Variants in KIAA1210 observed in about 807,000 individuals in gnomAD.
KIAA1210 encodes acrosomal protein KIAA1210.
KIAA1210 carries 48 observed loss-of-function variants against 78.9 expected under a neutral mutation model. The ratio of observed to expected loss-of-function variants is 0.61; its 90% CI spans 0.48 to 0.77. The LOEUF (loss-of-function observed/expected upper bound fraction) is 0.77, where lower values mean the gene tolerates loss of function less well. Ranked by LOEUF, KIAA1210 falls within the 30% of genes least tolerant of loss-of-function variation. The pLI is 0.00. For missense variants in KIAA1210, 1,108 were observed against 1,100.0 expected, an observed-to-expected ratio of 1.01 and a Z score of -0.10; for synonymous variants, 406 against 404.5, an observed-to-expected ratio of 1.00 and a Z score of -0.04.
chrX:119,087,316 T>A lies in KIAA1210; in HGVS notation c.3386A>T (p.Glu1129Val). The A allele has an allele frequency of 8.3e-7, 1 of 1,211,151 alleles. No individual in the cohort carries two copies. Among genetic ancestry groups the A allele is most frequent in the Non-Finnish European group, 1.1e-6 (1 of 895,270 alleles). ...AACAGGGGAGACTTTTTGCTCATAC[T>A]CAGGTTTCCTCAAGGCCTGGGAAAG... ...RQLSQALRKP[E>V]YEQKVSPVSA... Residue 1129 changes from glutamate (E) to valine (V), a missense_variant, in exon 9 of 12, where the codon GAG (glutamate) becomes GTG (valine). Glu to Val is a moderately radical substitution (Grantham distance 121). Coordinates refer to ENST00000691062, the MANE Select transcript of KIAA1210 (RefSeq NM_001394962.1).
At chrX:119,092,087 T>C (rs780180293) in intron 8 of KIAA1210, among the ~76,000 whole-genome samples, 2 of 112,303 alleles carry the variant, frequency 1.8e-5, no homozygotes, top group Non-Finnish European at 3.8e-5. Context: ...CCTAAAGCTA[T>C]TGAAATAAAA....
intron 1 of KIAA1210, among the ~76,000 whole-genome samples, chrX:119,150,116 T>C (rs1929257131): frequency 8.9e-6 from 1 of 112,223 alleles, no homozygotes; most frequent in Non-Finnish European, 1.9e-5. Context: ...TGCTTTACTT[T>C]GAGATGATGT....
rs201254782 is a variant in KIAA1210 at position 119,116,524 on chromosome X, C to A, written c.202G>T (p.Val68Phe). ...SNINISSLQPVRENQPTKARA... is the reference protein window; with the variant it reads ...SNINISSLQPFRENQPTKARA... The stretch of plus-strand genomic sequence containing the variant: ...GCCTTAGTTGGTTGATTTTCCCGAA[C>A]GGGCTGCAGAGAAGAGATGTTAATG... Residue 68 changes from valine (V) to phenylalanine (F), a missense_variant, in exon 3 of 12, where the codon GTT (valine) becomes TTT (phenylalanine). Transcript: ENST00000691062. 5.8e-6 allele frequency: 7 copies of A among 1,211,098 alleles called. No homozygotes were observed. The highest frequency in any genetic ancestry group is 7.8e-6 in the Non-Finnish European group (7 of 895,160).
intron 2 of KIAA1210, among the ~76,000 whole-genome samples, chrX:119,137,246 A>G (rs1455857104): frequency 8.9e-6 from 1 of 112,484 alleles, no homozygotes; most frequent in Non-Finnish European, 1.9e-5. Flanking sequence ...GGAAACAGAA[A>G]GGCTAAGTAA....
intron 2 of KIAA1210, among the ~76,000 whole-genome samples, chrX:119,136,501 C>T (rs2147197249): frequency 9.0e-6 from 1 of 111,204 alleles, no homozygotes; most frequent in East Asian, 2.8e-4. Flanking sequence ...ATGCTGATGT[C>T]TTTGTCCCCA....
In KIAA1210 at chrX:119,141,674, C is replaced by T. The variant is rs893562489; in HGVS notation, c.410+5799G>A. Among the ~76,000 whole-genome samples the T allele has an allele frequency of 4.0e-4, 45 of 112,297 alleles. No homozygotes were observed. The Admixed American group carries it at 4.2e-3, about 11-fold the overall frequency. ...TAATTTTTTCCCCTGGGGCCTTGGC[C>T]TCATTAGATGAAACTCTCCCTCTTC... On this transcript the variant is annotated intron_variant, in intron 2 of 13. Coordinates refer to the KIAA1210 transcript ENST00000402510.
rs1276234553 is a variant in KIAA1210, at chrX:119,116,690, C to T, written c.62-26G>A. The stretch of plus-strand genomic sequence containing the variant: ...CTGGAAGTGAAAAATGAAAATGAGG[C>T]AGAGTGTGATGGTAGAAGGGAAGAC... On this transcript the variant is annotated intron_variant, in intron 2 of 11. Coordinates refer to ENST00000691062, the MANE Select transcript of KIAA1210 (RefSeq NM_001394962.1). 3 of 1,167,594 alleles carry T rather than the reference C, an allele frequency of 2.6e-6. No homozygotes were observed. The Admixed American group carries it at 7.1e-5, about 28-fold the overall frequency.
At chrX:119,106,252 C>A (rs972113575) in intron 5 of KIAA1210, among the ~76,000 whole-genome samples, 1 of 112,310 alleles carries the variant, frequency 8.9e-6, no homozygotes, top group Admixed American at 9.4e-5. Context: ...TAAGAGCTTA[C>A]AATGTGCTAA....
At chrX:119,085,662 A>G in intron 9 of KIAA1210, 116 bp from the exon 10 acceptor site, 1 of 683,871 alleles carries the variant, frequency 1.5e-6, no homozygotes, top group Non-Finnish European at 2.1e-6. Flanking sequence ...GCCAAAGGAA[A>G]ATAAACAGAT....
chrX:119,109,610 C>T (rs1372569985), intron 3 of KIAA1210, among the ~76,000 whole-genome samples: 2 of 111,728 alleles, frequency 1.8e-5, no homozygotes, highest in African/African-American at 6.5e-5. Flanking sequence ...ATACATTTTG[C>T]CCATTTAAAG....
chrX:119,118,397 C>T (rs1928344211), intron 2 of KIAA1210, among the ~76,000 whole-genome samples: 1 of 112,097 alleles, frequency 8.9e-6, no homozygotes, highest in South Asian at 3.8e-4. Context: ...GTAGTCCAGT[C>T]AATCTGGAAA....
chrX:119,093,531 G>T, intron 8 of KIAA1210, 136 bp downstream of exon 8: 1 of 369,544 alleles, frequency 2.7e-6, no homozygotes, highest in Non-Finnish European at 4.6e-6. Context: ...AACATTTTCT[G>T]CATATAAAAT....
chrX:119,129,590 A>C (rs1603271626), upstream of KIAA1210, among the ~76,000 whole-genome samples: 6 of 111,342 alleles, frequency 5.4e-5, no homozygotes, highest in South Asian at 1.2e-3. Flanking sequence ...TTGTCCTAGC[A>C]GAAGAACCCC....
In KIAA1210 at chrX:119,124,439, A is replaced by G. The variant is rs763716313; in HGVS notation, c.-10-787T>C. Reference sequence around the variant, plus strand: ...TTATAGCTCAATAAAGCTGTTACCAAAAAAAGACAAATGCAAAAAACCTGA... The same window carrying G: ...TTATAGCTCAATAAAGCTGTTACCAGAAAAAGACAAATGCAAAAAACCTGA... On this transcript the variant is annotated intron_variant, in intron 1 of 11. Coordinates refer to ENST00000691062, the MANE Select transcript of KIAA1210 (RefSeq NM_001394962.1). Among the ~76,000 whole-genome samples, 3 of 112,668 alleles carry G rather than the reference A, an allele frequency of 2.7e-5. No homozygotes were observed. The East Asian group carries it at 8.3e-4, about 31-fold the overall frequency.
rs377624084 is a variant in KIAA1210, at chrX:119,096,625, A to C, written c.715T>G (p.Ser239Ala). Residue 239 changes from serine (S) to alanine (A), a missense_variant, in exon 7 of 12, where the codon TCT (serine) becomes GCT (alanine). Around this residue, in one of 5 missense-constraint regions of KIAA1210, gnomAD observed 672 missense variants for 607.1 expected, o/e 1.11. Transcript: ENST00000691062. ...ATGGGCAGCTGGGTGCTACTGGTAG[A>C]GGCAAGTGTGGCAAATGCAGTCAAG... The part of the protein sequence containing the change: ...QSLTAFATLA[S>A]TSSTQLPIGF... The C allele has an allele frequency of 2.8e-5, 34 of 1,208,763 alleles. No individual in the cohort carries two copies. The highest frequency in any genetic ancestry group is 3.6e-5 in the Non-Finnish European group (32 of 894,443).
intron 6 of KIAA1210, among the ~76,000 whole-genome samples, chrX:119,100,870 TCTC>T (rs1177777811): frequency 8.9e-6 from 1 of 112,489 alleles, no homozygotes; most frequent in Non-Finnish European, 1.9e-5. Context: ...TTTCATTTCT[TCTC>T]CTGTGTTTTA....
chrX:119,134,135 C>T (rs183960063), intron 2 of KIAA1210, among the ~76,000 whole-genome samples: 1 of 111,704 alleles, frequency 9.0e-6, no homozygotes, highest in East Asian at 2.8e-4. Flanking sequence ...GCCACCCATA[C>T]ACCCTTCCCA....
intron 1 of KIAA1210, among the ~76,000 whole-genome samples, chrX:119,148,143 A>AAAC (rs772578851): frequency 1.8e-5 from 2 of 110,906 alleles, no homozygotes; most frequent in Non-Finnish European, 3.8e-5. Context: ...CCCTGTTCAA[A>AAAC]AACAACAACA....
upstream of KIAA1210, among the ~76,000 whole-genome samples, chrX:119,131,385 C>A (rs1928787864): frequency 9.0e-6 from 1 of 111,188 alleles, no homozygotes; most frequent in African/African-American, 3.3e-5. Context: ...AGACACTGGG[C>A]ACTGGGGACT....
Sources: gnomAD v4.1 joint callset for allele counts (sites outside exome capture counted in the v4.1 genomes callset) on GRCh38, gnomAD v4.1.1 for gene constraint, gnomAD v4.1.1 regional missense constraint, MANE v1.5 for transcripts, NCBI Gene and HGNC (gene_info 2026-07-23, HGNC 2026-07-21) for gene names.